The following HDAC9 variants were observed in gnomAD, a reference collection of about 807,000 sequenced individuals.
The protein encoded by HDAC9 is MEF-2 interacting transcription repressor (MITR) protein.
HDAC9 carries 41 observed loss-of-function variants against 139.4 expected under a neutral mutation model. That is an observed-to-expected ratio of 0.29 (90% CI 0.23 to 0.38). HDAC9 has a LOEUF of 0.38. Ranked by LOEUF, HDAC9 falls within the 10% of genes least tolerant of loss-of-function variation. The pLI, the probability that HDAC9 is intolerant of heterozygous loss-of-function variation, is 1.00. For synonymous variants in HDAC9, 517 were observed against 476.2 expected, an observed-to-expected ratio of 1.09 and a Z score of -1.12; for missense variants, 1,147 against 1,297.0, an observed-to-expected ratio of 0.88 and a Z score of 1.78.
intron 2 of HDAC9, among the ~76,000 whole-genome samples, chr7:18,228,486 A>C (rs954741307): frequency 6.6e-6 from 1 of 152,184 alleles, no homozygotes; most frequent in Non-Finnish European, 1.5e-5. Flanking sequence ...ATTAGATAGC[A>C]ATATTCTAGA....
chr7:18,615,863 G>A (rs575449565), intron 6 of HDAC9, among the ~76,000 whole-genome samples: 7 of 152,258 alleles, frequency 4.6e-5, no homozygotes, highest in African/African-American at 1.7e-4. Context: ...AAACTTAGTT[G>A]CCTAAACCAA....
intron 21 of HDAC9, among the ~76,000 whole-genome samples, chr7:18,853,083 G>T (rs1797422335): frequency 6.6e-6 from 1 of 152,116 alleles, no homozygotes; most frequent in Admixed American, 6.5e-5. Context: ...ACTGAGGCTA[G>T]TCCCTGAGTC....
intron 25 of HDAC9, among the ~76,000 whole-genome samples, chr7:18,977,575 G>A: frequency 6.6e-6 from 1 of 152,254 alleles, no homozygotes; most frequent in Middle Eastern, 3.4e-3. Context: ...TAAATAGTGT[G>A]CTTGACTCAT....
chr7:18,506,964 G>A (rs1185085387), intron 2 of HDAC9, among the ~76,000 whole-genome samples: 1 of 152,008 alleles, frequency 6.6e-6, no homozygotes, highest in Admixed American at 6.6e-5. Flanking sequence ...TTTACTTTGT[G>A]TGCTTAATTC....
In HDAC9 at chr7:18,666,237, C is replaced by G. The variant is rs762827070; in HGVS notation, c.1492C>G (p.Leu498Val). 2 of 1,612,624 alleles carry G rather than the reference C, an allele frequency of 1.2e-6. No homozygotes were observed. The highest frequency in any genetic ancestry group is 2.7e-5 in the African/African-American group (2 of 75,002). ...NKLLSKSIEQ[L>V]KQPGSHLEEA... is the part of the protein sequence containing the mutation. ...GCTGCTTTCGAAATCTATTGAACAACTGAAGCAACCAGGCAGTCACCTTGA... is the reference window on the plus strand; with the variant it reads ...GCTGCTTTCGAAATCTATTGAACAAGTGAAGCAACCAGGCAGTCACCTTGA... The change falls in exon 12 of 26, where the codon CTG becomes GTG. Residue 498 changes from leucine to valine, a missense_variant. Coordinates refer to ENST00000686413, the MANE Select transcript of HDAC9 (RefSeq NM_178425.4).
intron 2 of HDAC9, among the ~76,000 whole-genome samples, chr7:18,504,748 TA>T (rs150149070): frequency 0.018 from 2,713 of 152,340 alleles, 79 homozygotes; most frequent in African/African-American, 0.061. Context: ...CACAGTTTAA[TA>T]ATGCAGTAGT....
At position 18,580,441 on chromosome 7, in the gene HDAC9, CATA is replaced by C. The variant is rs368702033; in HGVS notation, c.23-4833_23-4831del. Among the ~76,000 whole-genome samples, 599 of 152,226 alleles carry C rather than the reference CATA, an allele frequency of 3.9e-3. 1 individual carries two copies. The highest frequency in any genetic ancestry group is 0.014 in the African/African-American group (567 of 41,538). The stretch of plus-strand genomic sequence containing the variant: ...AAAAGTTCTGACTGGGCATTTGGAA[CATA>C]ATAATATGAACAATATAATATAATA... On this transcript the variant is annotated intron_variant, in intron 2 of 25. Coordinates refer to ENST00000686413, the MANE Select transcript of HDAC9 (RefSeq NM_178425.4).
chr7:18,800,396 C>T (rs1264032892), intron 17 of HDAC9, among the ~76,000 whole-genome samples: 1 of 152,156 alleles, frequency 6.6e-6, no homozygotes, highest in Non-Finnish European at 1.5e-5. Flanking sequence ...TTGCATGAAA[C>T]ATTCCATGAG....
intron 22 of HDAC9, among the ~76,000 whole-genome samples, chr7:18,899,671 C>A (rs17140244): frequency 0.35 from 52,594 of 151,546 alleles, 10,373 homozygotes; most frequent in East Asian, 0.87. Context: ...ATGATACAGT[C>A]TTTAAAAATC....
intron 1 of HDAC9, chr7:18,325,393 T>A (rs1282194312): frequency 6.6e-6 from 1 of 152,152 alleles, no homozygotes; most frequent in African/African-American, 2.4e-5. Flanking sequence ...TTTCATCTTG[T>A]CAAGTTTACC....
intron 24 of HDAC9, among the ~76,000 whole-genome samples, chr7:18,970,810 T>TA (rs142691189): frequency 4.3e-4 from 65 of 151,138 alleles, no homozygotes; most frequent in African/African-American, 9.5e-4. Flanking sequence ...GGAAAAAAGG[T>TA]AAAAAAAAGC....
At chr7:18,395,360 T>G (rs1307467475) in intron 1 of HDAC9, among the ~76,000 whole-genome samples, 3 of 152,162 alleles carry the variant, frequency 2.0e-5, no homozygotes, top group Non-Finnish European at 4.4e-5. Flanking sequence ...ACATAAAAAT[T>G]AAAGCAGTAT....
chr7:18,170,246 C>T (rs1291282973), intron 2 of HDAC9, among the ~76,000 whole-genome samples: 1 of 152,200 alleles, frequency 6.6e-6, no homozygotes, highest in African/African-American at 2.4e-5. Flanking sequence ...CTATTGGCTT[C>T]ATAAAAGTCT....
upstream of HDAC9, among the ~76,000 whole-genome samples, chr7:18,492,749 T>C (rs1360697786): frequency 1.3e-5 from 2 of 151,914 alleles, no homozygotes; most frequent in African/African-American, 4.8e-5. Flanking sequence ...CAAAAGAAAC[T>C]GAGTCACATT....
At chr7:18,547,426 G>C (rs932157606) in intron 2 of HDAC9, among the ~76,000 whole-genome samples, 8 of 152,074 alleles carry the variant, frequency 5.3e-5, no homozygotes, top group Admixed American at 5.2e-4. Flanking sequence ...TAGTGGAGAC[G>C]GGGTTTCACC....
chr7:18,128,794 A>C (rs559657107), intron 1 of HDAC9, among the ~76,000 whole-genome samples: 57 of 152,122 alleles, frequency 3.7e-4, no homozygotes, highest in African/African-American at 1.3e-3. Flanking sequence ...TGATTAGTAC[A>C]GCTGAATCCT....
intron 5 of HDAC9, among the ~76,000 whole-genome samples, chr7:18,592,430 C>A (rs980385989): frequency 7.2e-5 from 11 of 152,034 alleles, no homozygotes; most frequent in Admixed American, 6.6e-4. Context: ...AACTGATAGG[C>A]AAATCATATA....
chr7:18,799,894 T>G (rs1023888192), intron 17 of HDAC9, among the ~76,000 whole-genome samples: 1 of 152,158 alleles, frequency 6.6e-6, no homozygotes, highest in Non-Finnish European at 1.5e-5. Flanking sequence ...ATAAAAACAT[T>G]AATCAACATA....
At chr7:18,847,709 G>A (rs1241991128) in intron 21 of HDAC9, among the ~76,000 whole-genome samples, 1 of 152,238 alleles carries the variant, frequency 6.6e-6, no homozygotes, top group African/African-American at 2.4e-5. Context: ...GGGGTCAGCT[G>A]TGGTGTTACT....
Sources: allele counts gnomAD v4.1 joint callset (sites outside exome capture counted in the v4.1 genomes callset), GRCh38; gene constraint gnomAD v4.1.1; transcripts MANE v1.5; gene names NCBI Gene and HGNC (gene_info 2026-07-23, HGNC 2026-07-21).